Variants in ALLC observed in about 807,000 individuals in gnomAD.
ALLC encodes the protein probable inactive allantoicase.
A neutral mutation model predicts 45.0 loss-of-function variants in ALLC; 40 were observed. The ratio of observed to expected loss-of-function variants is 0.89; its 90% CI spans 0.69 to 1.16. ALLC has a LOEUF of 1.16. Ranked by LOEUF, ALLC falls within the 50% of genes most tolerant of loss-of-function variation. ALLC has a pLI of 0.00. For synonymous variants in ALLC, 176 were observed against 178.1 expected (o/e 0.99, Z 0.09); for missense variants, 488 against 493.1 (o/e 0.99, Z 0.10).
At chr2:3,657,031 G>A (rs2147988190), upstream of ALLC, among the ~76,000 whole-genome samples, 2 of 152,350 alleles carry the variant, frequency 1.3e-5, no homozygotes, top group East Asian at 3.9e-4. Flanking sequence ...AACTGCCAGG[G>A]ACGAAGCCAC....
intron 6 of ALLC, 61 bp downstream of exon 6, chr2:3,681,774 C>T: frequency 1.5e-6 from 2 of 1,326,130 alleles, no homozygotes; most frequent in African/African-American, 1.5e-5. Flanking sequence ...AGGGAAACTG[C>T]TCTGCACACC....
intron 7 of ALLC, chr2:3,688,897 C>G (rs1182182507): frequency 5.4e-6 from 1 of 184,142 alleles, no homozygotes; most frequent in Non-Finnish European, 1.2e-5. Context: ...TTGATGATGA[C>G]AATATCCACT....
chr2:3,654,896 T>C (rs1292801446), upstream of ALLC, among the ~76,000 whole-genome samples: 1 of 152,202 alleles, frequency 6.6e-6, no homozygotes, highest in Non-Finnish European at 1.5e-5. Flanking sequence ...AGAAGCGCTT[T>C]GCATTGGCTG....
intron 1 of ALLC, among the ~76,000 whole-genome samples, chr2:3,661,454 A>T (rs938624705): frequency 2.2e-4 from 34 of 152,072 alleles, no homozygotes; most frequent in Non-Finnish European, 2.9e-4. Flanking sequence ...AAACAAGAGG[A>T]GCTTGATGTT....
At chr2:3,647,241 TA>T in the ALLC span, among the ~76,000 whole-genome samples, 2 of 151,998 alleles carry the variant, frequency 1.3e-5, no homozygotes, top group South Asian at 4.1e-4. Flanking sequence ...AATCCTCCTT[TA>T]CTTCAGTCAA....
chr2:3,650,881 C>T, the ALLC span, among the ~76,000 whole-genome samples: 5 of 152,216 alleles, frequency 3.3e-5, no homozygotes, highest in Non-Finnish European at 5.9e-5. Context: ...ATTATGCTTG[C>T]TTTAAAGCAA....
chr2:3,659,395 C>T lies in ALLC; in HGVS notation c.-63+1101C>T, dbSNP rs183612426. Among the ~76,000 whole-genome samples the T allele has an allele frequency of 1.9e-3, 283 of 152,332 alleles. 1 individual carries two copies. Among genetic ancestry groups the T allele is most frequent in the Non-Finnish European group, 3.1e-3 (214 of 68,034 alleles). On this transcript the variant is annotated intron_variant, in intron 1 of 11. Coordinates refer to ENST00000252505, the MANE Select transcript of ALLC (RefSeq NM_018436.4). ...TGCCGTAACCCATGACAATGCTCCT[C>T]ATTTGCGGTGATTAAGTTGAAATTT...
chr2:3,694,534 A>G (rs1385918570), intron 7 of ALLC: 1 of 152,220 alleles, frequency 6.6e-6, no homozygotes, highest in Non-Finnish European at 1.5e-5. Flanking sequence ...CTTATTTTTT[A>G]AAATGTGAAA....
In ALLC at chr2:3,702,584, C is replaced by T. The variant is rs1037537930; in HGVS notation, c.*21C>T. Reference sequence around the variant, plus strand: ...CTTAACACACACAAAGCCCCGGTGTCGGACACACAGCAGTAATTTCCCAGT... The same window carrying T: ...CTTAACACACACAAAGCCCCGGTGTTGGACACACAGCAGTAATTTCCCAGT... On this transcript the variant is annotated 3_prime_UTR_variant, in exon 12 of 12. Coordinates refer to ENST00000252505, the MANE Select transcript of ALLC (RefSeq NM_018436.4). 3 of 1,516,374 alleles carry T rather than the reference C, an allele frequency of 2.0e-6. No individual in the cohort carries two copies. Among genetic ancestry groups the T allele is most frequent in the African/African-American group, 2.8e-5 (2 of 71,154 alleles). The allele number at this position is 1,516,374 out of a possible 1,614,324, so 93.9% of individuals were successfully genotyped here.
intron 7 of ALLC, among the ~76,000 whole-genome samples, chr2:3,689,482 T>C (rs1667415912): frequency 6.6e-6 from 1 of 151,180 alleles, no homozygotes; most frequent in African/African-American, 2.4e-5. Context: ...TTCAGGAGCA[T>C]GTTGTTTAAT....
the ALLC span, among the ~76,000 whole-genome samples, chr2:3,651,069 C>T: frequency 6.6e-6 from 1 of 152,206 alleles, no homozygotes; most frequent in East Asian, 1.9e-4. Context: ...TGAGGCATGA[C>T]CGGAGAGCTG....
chr2:3,650,494 C>G, the ALLC span, among the ~76,000 whole-genome samples: 1 of 152,210 alleles, frequency 6.6e-6, no homozygotes, highest in Non-Finnish European at 1.5e-5. Flanking sequence ...CCTGGTGAGG[C>G]CTGGGCAAGC....
intron 1 of ALLC, among the ~76,000 whole-genome samples, chr2:3,664,841 G>C (rs1326014011): frequency 6.7e-6 from 1 of 150,358 alleles, no homozygotes. Context: ...CTATGATCGT[G>C]CCACTGCATT....
intron 7 of ALLC, among the ~76,000 whole-genome samples, chr2:3,684,429 A>T (rs991907114): frequency 4.6e-5 from 7 of 152,166 alleles, no homozygotes; most frequent in Non-Finnish European, 1.0e-4. Context: ...CTTGTCTTAA[A>T]TTTCAACAGG....
At chr2:3,677,549 G>C (rs760092898) in intron 3 of ALLC, among the ~76,000 whole-genome samples, 4 of 152,224 alleles carry the variant, frequency 2.6e-5, no homozygotes. Context: ...TCAATAGCAC[G>C]ATGGCTGTTT....
chr2:3,693,213 C>G (rs924574153), intron 7 of ALLC, among the ~76,000 whole-genome samples: 32 of 152,198 alleles, frequency 2.1e-4, no homozygotes, highest in Non-Finnish European at 1.5e-5. Flanking sequence ...CCTCAACCCC[C>G]CTAAATTTTA....
rs147036922 is a variant in ALLC, at chr2:3,658,792, C to T, written c.-63+498C>T. Among the ~76,000 whole-genome samples the T allele has an allele frequency of 4.5e-3, 660 of 146,530 alleles. 5 individuals are homozygous for T. Among genetic ancestry groups the T allele is most frequent in the African/African-American group, 0.016 (626 of 39,110 alleles). ...CTGACATGGGAGAATTGCTTGAGCC[C>T]GGGATGGGATTGGGGTGGAGGTTGC... On this transcript the variant is annotated intron_variant, in intron 1 of 11. Transcript: ENST00000252505.
rs544236226 is a variant in ALLC at position 3,672,488 on chromosome 2, G to A, written c.33+1298G>A. 6.0e-5 allele frequency among the ~76,000 whole-genome samples: 8 copies of A among 133,128 alleles called. No individual in the cohort carries two copies. The East Asian group carries it at 8.6e-4, about 14-fold the overall frequency. 87.3% of individuals were successfully genotyped at this position (133,128 alleles called of 152,430 possible). ...GAGGTCCTCTGGCTCTAGTTAGATCGGAGGTCCTCTGGCTCTGGTTAGATG... is the reference window on the plus strand; with the variant it reads ...GAGGTCCTCTGGCTCTAGTTAGATCAGAGGTCCTCTGGCTCTGGTTAGATG... On this transcript the variant is annotated intron_variant, in intron 2 of 11. Transcript: ENST00000252505.
At chr2:3,677,248 C>T (rs1002267674) in intron 3 of ALLC, among the ~76,000 whole-genome samples, 9 of 152,174 alleles carry the variant, frequency 5.9e-5, no homozygotes, top group African/African-American at 2.2e-4. Flanking sequence ...GCAGCAGTAG[C>T]AGCAACACAC....
Sources: allele counts gnomAD v4.1 joint callset (sites outside exome capture counted in the v4.1 genomes callset), GRCh38; gene constraint gnomAD v4.1.1; transcripts MANE v1.5; gene names NCBI Gene and HGNC (gene_info 2026-07-23, HGNC 2026-07-21).